The following KCNH4 variants were observed in gnomAD, a reference collection of about 807,000 sequenced individuals.
The protein encoded by KCNH4 is voltage-gated delayed rectifier potassium channel KCNH4.
A neutral mutation model predicts 90.7 loss-of-function variants in KCNH4; 33 were observed. That is an observed-to-expected ratio of 0.36 (90% CI 0.28 to 0.49). KCNH4 has a LOEUF of 0.49. Ranked by LOEUF, KCNH4 falls within the 20% of genes least tolerant of loss-of-function variation. The pLI, the probability that KCNH4 is intolerant of heterozygous loss-of-function variation, is 0.98. For missense variants in KCNH4, 1,044 were observed against 1,387.1 expected (o/e 0.75, Z 3.93); for synonymous variants, 551 against 581.7 (o/e 0.95, Z 0.76).
At chr17:42,168,644 G>GA (rs1191629236) in intron 9 of KCNH4, among the ~76,000 whole-genome samples, 2 of 151,530 alleles carry the variant, frequency 1.3e-5, no homozygotes, top group Non-Finnish European at 2.9e-5. Flanking sequence ...ACTCCTTCTT[G>GA]AAAAAAGAAA....
chr17:42,162,197 G>C (rs543640309), intron 15 of KCNH4, 51 bp downstream of exon 15: 2 of 1,507,222 alleles, frequency 1.3e-6, no homozygotes, highest in African/African-American at 2.8e-5. Flanking sequence ...CCACGTGTAG[G>C]GTCTGAAATG....
intron 9 of KCNH4, among the ~76,000 whole-genome samples, chr17:42,167,942 C>G (rs908329132): frequency 4.2e-4 from 64 of 152,198 alleles, no homozygotes; most frequent in African/African-American, 1.4e-3. Context: ...CTGCCTTCTC[C>G]CTCCGCAGCA....
Position 42,177,685 on chromosome 17 carries a change from G to C in KCNH4, c.585+415C>G, listed in dbSNP as rs531107240. Among the ~76,000 whole-genome samples, 9 of 152,260 alleles carry C rather than the reference G, an allele frequency of 5.9e-5. No individual in the cohort carries two copies. The East Asian group carries it at 9.7e-4, about 16-fold the overall frequency. On this transcript the variant is annotated intron_variant, in intron 4 of 16. Coordinates refer to ENST00000264661, the MANE Select transcript of KCNH4 (RefSeq NM_012285.3). ...CCCTGTATCCCTAACAGAGGGTTGGGGACTCAATCCCCTGGCTTGGTCAGG... is the reference window on the plus strand; with the variant it reads ...CCCTGTATCCCTAACAGAGGGTTGGCGACTCAATCCCCTGGCTTGGTCAGG...
chr17:42,163,176 C>T lies in KCNH4; in HGVS notation c.2584+52G>A. The T allele has an allele frequency of 1.6e-6, 2 of 1,236,074 alleles. No homozygotes were observed. Among genetic ancestry groups the T allele is most frequent in the Non-Finnish European group, 2.4e-6 (2 of 836,156 alleles). 76.6% of individuals were successfully genotyped at this position (1,236,074 alleles called of 1,614,324 possible). On this transcript the variant is annotated intron_variant, in intron 14 of 16. Coordinates refer to ENST00000264661, the MANE Select transcript of KCNH4 (RefSeq NM_012285.3). The surrounding 1 kb of genome is among the most constrained non-coding windows in gnomAD (Gnocchi z 5.4). ...CCCTACTACATATGGGATGGATGGACAGGTGGATGGGCAGATGGATGACGG... is the reference window on the plus strand; with the variant it reads ...CCCTACTACATATGGGATGGATGGATAGGTGGATGGGCAGATGGATGACGG...
chr17:42,170,335 G>A lies in KCNH4; in HGVS notation c.1196-34C>T, dbSNP rs374480395. 1.3e-4 allele frequency: 201 copies of A among 1,536,516 alleles called. 3 individuals are homozygous for A. In the South Asian group the frequency reaches 2.2e-3, roughly 17 times the overall value. On this transcript the variant is annotated intron_variant, in intron 7 of 16. Coordinates refer to ENST00000264661, the MANE Select transcript of KCNH4 (RefSeq NM_012285.3). ...TGGACGGATGCAGGGAGCCCTGGCT[G>A]TGCCAGCGGTGGAGAACCAGGGTTC...
Position 42,165,598 on chromosome 17 carries a change from C to T in KCNH4, c.1936G>A (p.Val646Met). 6.2e-7 allele frequency: 1 copy of T among 1,614,230 alleles called. No homozygotes were observed. The highest frequency in any genetic ancestry group is 1.1e-5 in the South Asian group (1 of 91,090). ...AGGCCACAGTAGGTCAGAGCTTTCACATCAGCACTGGTCTTTAGCACGAAG... is the reference window on the plus strand; with the variant it reads ...AGGCCACAGTAGGTCAGAGCTTTCATATCAGCACTGGTCTTTAGCACGAAG... The part of the protein sequence containing the change: ...PNFVLKTSAD[V>M]KALTYCGLQQ... The change falls in exon 11 of 17, where the codon GTG (valine) becomes ATG (methionine). Residue 646 changes from valine (V) to methionine (M), a missense_variant. By Grantham distance (21) the Val-to-Met change is conservative. Transcript: ENST00000264661.
At chr17:42,169,717 T>G (rs1320733984) in intron 8 of KCNH4, 41 bp from the exon 9 acceptor site, 2 of 1,592,830 alleles carry the variant, frequency 1.3e-6, no homozygotes, top group Non-Finnish European at 1.7e-6. Flanking sequence ...CGGCCACCCC[T>G]CTGGCCACCT....
intron 7 of KCNH4, among the ~76,000 whole-genome samples, chr17:42,170,891 A>T (rs1191465503): frequency 6.6e-6 from 1 of 152,250 alleles, no homozygotes; most frequent in Non-Finnish European, 1.5e-5. Context: ...AGGATTCCAG[A>T]GAGGAAAAGA....
At chr17:42,162,100 G>A (rs1324050365) in intron 15 of KCNH4, 148 bp downstream of exon 15, 2 of 609,124 alleles carry the variant, frequency 3.3e-6, no homozygotes, top group East Asian at 3.1e-5. Context: ...GGGACTACAG[G>A]TGCCTGGCTA....
intron 4 of KCNH4, 86 bp downstream of exon 4, chr17:42,178,014 A>C: frequency 2.0e-6 from 3 of 1,537,670 alleles, no homozygotes; most frequent in Non-Finnish European, 2.6e-6. Context: ...CACCAGACAG[A>C]CAGGGAAGTG....
intron 9 of KCNH4, among the ~76,000 whole-genome samples, chr17:42,167,967 C>T (rs1294124101): frequency 6.6e-6 from 1 of 152,200 alleles, no homozygotes; most frequent in African/African-American, 2.4e-5. Context: ...CATGCCCATT[C>T]CTGCGGGCTT....
intron 16 of KCNH4, among the ~76,000 whole-genome samples, chr17:42,158,876 G>T (rs1167227201): frequency 6.6e-6 from 1 of 151,498 alleles, no homozygotes; most frequent in African/African-American, 2.4e-5. Flanking sequence ...TAGAGATAGG[G>T]TCTCGCTATG....
intron 6 of KCNH4, 131 bp from the exon 7 acceptor site, chr17:42,172,126 TCC>T: frequency 4.3e-6 from 3 of 705,004 alleles, no homozygotes; most frequent in Non-Finnish European, 7.2e-6. Context: ...ATCTTTGCTG[TCC>T]TGAGAAAGTG....
chr17:42,170,005 G>A (rs1232301735), intron 8 of KCNH4, 102 bp downstream of exon 8: 3 of 1,231,936 alleles, frequency 2.4e-6, no homozygotes, highest in African/African-American at 3.0e-5. Context: ...CTGGACTTGG[G>A]TAGACACCTC....
chr17:42,166,960 A>G (rs552161613), intron 9 of KCNH4, among the ~76,000 whole-genome samples: 3 of 152,258 alleles, frequency 2.0e-5, no homozygotes, highest in South Asian at 2.1e-4. Context: ...TAAAATGCAG[A>G]GTTGTTATTA....
chr17:42,169,105 A>T (rs907991532), intron 9 of KCNH4, among the ~76,000 whole-genome samples: 1 of 149,338 alleles, frequency 6.7e-6, no homozygotes, highest in African/African-American at 2.5e-5. Context: ...TTTGAGACAG[A>T]GTCTAGCTCT....
chr17:42,171,696 G>A, intron 7 of KCNH4, 92 bp downstream of exon 7: 1 of 1,087,272 alleles, frequency 9.2e-7, no homozygotes, highest in Non-Finnish European at 1.4e-6. Flanking sequence ...AGAGGAATGT[G>A]GGATGAGGGG....
intron 16 of KCNH4, among the ~76,000 whole-genome samples, chr17:42,158,425 G>T (rs2079722959): frequency 6.6e-6 from 1 of 151,190 alleles, no homozygotes; most frequent in Non-Finnish European, 1.5e-5. Flanking sequence ...CAGCTACTCG[G>T]GAGGCTGAGG....
In KCNH4 at chr17:42,178,387, G is replaced by A. The variant is rs1381415814; in HGVS notation, c.401C>T (p.Thr134Ile). The stretch of plus-strand genomic sequence containing the variant: ...GCCAAGTCCTGGGCTTCCACTCTGA[G>A]TGATATCCTTGAAGGAAAAGAGGAA... The part of the protein sequence containing the change: ...VLFLFSFKDI[T>I]QSGSPGLGPQ... Residue 134 changes from threonine (T) to isoleucine (I), a missense_variant, in exon 3 of 17, where the codon ACT becomes ATT. Transcript: ENST00000264661. 5 of 1,614,246 alleles carry A rather than the reference G, an allele frequency of 3.1e-6. No homozygotes were observed. Among genetic ancestry groups the A allele is most frequent in the South Asian group, 1.1e-5 (1 of 91,084 alleles).
Sources: gnomAD v4.1 joint callset for allele counts (sites outside exome capture counted in the v4.1 genomes callset) on GRCh38, gnomAD v4.1.1 for gene constraint, Gnocchi (gnomAD v3.1) non-coding constraint, MANE v1.5 for transcripts, NCBI Gene and HGNC (gene_info 2026-07-23, HGNC 2026-07-21) for gene names.